The following OTUD7B variants were observed in gnomAD, a reference collection of about 807,000 sequenced individuals.
OTUD7B encodes OTU deubiquitinase 7B, also known as OTU domain-containing protein 7B.
OTUD7B carries 34 observed loss-of-function variants against 82.2 expected under a neutral mutation model. That is an observed-to-expected ratio of 0.41 (90% CI 0.31 to 0.55). OTUD7B has a LOEUF of 0.55. Ranked by LOEUF, OTUD7B falls within the 20% of genes least tolerant of loss-of-function variation. OTUD7B has a pLI of 0.20. For synonymous variants in OTUD7B, 398 were observed against 402.7 expected (o/e 0.99, Z 0.14); for missense variants, 944 against 1,062.1 (o/e 0.89, Z 1.55).
the OTUD7B span, chr1:150,054,468 T>A: frequency 1.9e-6 from 1 of 516,010 alleles, no homozygotes; most frequent in South Asian, 1.5e-5. Flanking sequence ...AAAATTGATA[T>A]CAGCAATGTA....
At chr1:149,974,891 G>T (rs1353627556) in intron 2 of OTUD7B, among the ~76,000 whole-genome samples, 1 of 149,626 alleles carries the variant, frequency 6.7e-6, no homozygotes, top group Non-Finnish European at 1.5e-5. Flanking sequence ...ATGAGGTCTT[G>T]CTATGTTGCC....
the OTUD7B span, among the ~76,000 whole-genome samples, chr1:150,029,462 T>C: frequency 1.3e-5 from 2 of 152,230 alleles, no homozygotes; most frequent in African/African-American, 4.8e-5. Flanking sequence ...TAAGTAACTA[T>C]AGTAAGTAAC....
the OTUD7B span, among the ~76,000 whole-genome samples, chr1:150,052,790 A>AAAAC: frequency 5.4e-5 from 8 of 147,664 alleles, no homozygotes; most frequent in South Asian, 2.2e-4. Flanking sequence ...TGGTACTGGT[A>AAAAC]AAACAAACAA....
chr1:150,011,403 C>T (rs1653055772), upstream of OTUD7B, among the ~76,000 whole-genome samples: 1 of 152,140 alleles, frequency 6.6e-6, no homozygotes, highest in Non-Finnish European at 1.5e-5. Context: ...TATCACTGCT[C>T]TCAGTGATAC....
chr1:149,985,335 G>A (rs1227317676), intron 1 of OTUD7B, among the ~76,000 whole-genome samples: 2 of 151,994 alleles, frequency 1.3e-5, no homozygotes, highest in Non-Finnish European at 2.9e-5. Flanking sequence ...TTGAACCTGG[G>A]AGGTGGAGGT....
chr1:150,004,430 C>T (rs1435779127), intron 1 of OTUD7B, among the ~76,000 whole-genome samples: 4 of 151,758 alleles, frequency 2.6e-5, no homozygotes, highest in African/African-American at 7.3e-5. Flanking sequence ...CATGCTGGTG[C>T]ACGCCTGTAA....
intron 1 of OTUD7B, among the ~76,000 whole-genome samples, chr1:149,984,249 A>AG (rs1650985617): frequency 1.3e-5 from 2 of 150,416 alleles, no homozygotes; most frequent in South Asian, 4.2e-4. Context: ...ACAGAAAAAA[A>AG]AATTACAAAG....
At chr1:150,037,398 A>C in the OTUD7B span, among the ~76,000 whole-genome samples, 1 of 152,176 alleles carries the variant, frequency 6.6e-6, no homozygotes, top group Non-Finnish European at 1.5e-5. Context: ...AACAAAGAGA[A>C]TGGGAGAAAA....
chr1:150,020,813 C>G, the OTUD7B span, among the ~76,000 whole-genome samples: 2 of 152,210 alleles, frequency 1.3e-5, no homozygotes, highest in African/African-American at 4.8e-5. Flanking sequence ...ATATAATTAT[C>G]TGTGTCTGAA....
In OTUD7B at chr1:149,976,877, T is replaced by C. The variant is rs942166786; in HGVS notation, c.85+549A>G. Among the ~76,000 whole-genome samples, 12 of 152,064 alleles carry C rather than the reference T, an allele frequency of 7.9e-5. No homozygotes were observed. The South Asian group carries it at 2.5e-3, about 32-fold the overall frequency. ...GGCTCATGCCTGTAATCCCAGCACTTTGGGAGGCCGAGGCAGGCAGATTAC... is the reference window on the plus strand; with the variant it reads ...GGCTCATGCCTGTAATCCCAGCACTCTGGGAGGCCGAGGCAGGCAGATTAC... On this transcript the variant is annotated intron_variant, in intron 2 of 11. Transcript: ENST00000581312.
In OTUD7B at chr1:149,949,656, C is replaced by T. The variant is rs1553772887; in HGVS notation, c.1096G>A (p.Glu366Lys). The T allele has an allele frequency of 1.2e-6, 2 of 1,614,138 alleles. No individual in the cohort carries two copies. The highest frequency in any genetic ancestry group is 1.7e-6 in the Non-Finnish European group (2 of 1,180,024). Residue 366 changes from glutamate (E) to lysine (K), a missense_variant, in exon 9 of 12, where the codon GAG becomes AAG. Glu to Lys is a moderately conservative substitution (Grantham distance 56, BLOSUM62 1). Transcript: ENST00000581312. ...QAHFSALVSM[E>K]QKENTKEQAV... is the part of the protein sequence containing the mutation. Reference sequence around the variant, plus strand: ...TGTTCCTTGGTATTCTCCTTCTGCTCCATGGACACGAGTGCAGAAAAGTGG... The same window carrying T: ...TGTTCCTTGGTATTCTCCTTCTGCTTCATGGACACGAGTGCAGAAAAGTGG...
the OTUD7B span, among the ~76,000 whole-genome samples, chr1:150,046,701 G>A: frequency 9.2e-4 from 136 of 147,306 alleles, no homozygotes; most frequent in South Asian, 4.6e-3. Context: ...CACCCGCCTC[G>A]TCCTCCCAAA....
At chr1:150,059,001 T>C in the OTUD7B span, among the ~76,000 whole-genome samples, 1 of 151,882 alleles carries the variant, frequency 6.6e-6, no homozygotes, top group South Asian at 2.1e-4. Flanking sequence ...TTTTAAAGAA[T>C]ACTGACAAAT....
the OTUD7B span, among the ~76,000 whole-genome samples, chr1:150,059,557 C>T: frequency 2.0e-5 from 3 of 151,384 alleles, no homozygotes; most frequent in Non-Finnish European, 2.9e-5. Flanking sequence ...TTAGTAGAGA[C>T]GGGGTTTTTC....
rs1559842730 is a variant in OTUD7B at position 149,967,334 on chromosome 1, G to A, written c.462C>T (p.Asp154=). 6.2e-6 allele frequency: 10 copies of A among 1,614,076 alleles called. No individual in the cohort carries two copies. The highest frequency in any genetic ancestry group is 8.5e-6 in the Non-Finnish European group (10 of 1,179,964). ...CAACCAGCATGGACTGCTCAATGAG[G>A]TCTCTCTCTATGAAGCTGCGGAAGT... ...NEDFRSFIER[D]LIEQSMLVAL... is the part of the protein sequence containing the mutation. The change falls in exon 4 of 12, where the codon GAC becomes GAT. Residue 154 remains aspartate (D), a synonymous_variant. Transcript: ENST00000581312.
chr1:149,975,314 G>C (rs1359832487), intron 2 of OTUD7B, among the ~76,000 whole-genome samples: 1 of 152,174 alleles, frequency 6.6e-6, no homozygotes, highest in Non-Finnish European at 1.5e-5. Context: ...GTATGTGTGT[G>C]TGCACACATG....
At chr1:150,049,633 CTTTT>C in the OTUD7B span, among the ~76,000 whole-genome samples, 4 of 132,334 alleles carry the variant, frequency 3.0e-5, no homozygotes, top group East Asian at 2.1e-4. Flanking sequence ...CTCTCTCTTT[CTTTT>C]TTTTTTTTTT....
chr1:150,050,635 T>G, the OTUD7B span: 1 of 152,098 alleles, frequency 6.6e-6, no homozygotes, highest in Non-Finnish European at 1.5e-5. Context: ...CTCAATAAAT[T>G]TAAAGCCATA....
At chr1:150,062,835 C>T in the OTUD7B span, among the ~76,000 whole-genome samples, 2 of 151,322 alleles carry the variant, frequency 1.3e-5, no homozygotes, top group Non-Finnish European at 2.9e-5. Context: ...CTGCCTCAGC[C>T]TCCTGAGTAC....
Sources: allele counts gnomAD v4.1 joint callset (sites outside exome capture counted in the v4.1 genomes callset), GRCh38; gene constraint gnomAD v4.1.1; transcripts MANE v1.5; gene names NCBI Gene and HGNC (gene_info 2026-07-23, HGNC 2026-07-21).